The following CEP57 variants were observed in gnomAD, a reference collection of about 807,000 sequenced individuals.
CEP57 encodes the protein centrosomal protein 57.
CEP57 carries 40 observed loss-of-function variants against 68.0 expected under a neutral mutation model. The observed-to-expected ratio is 0.59, with a 90% CI of 0.46 to 0.77. CEP57 has a LOEUF of 0.77. Ranked by LOEUF, CEP57 falls within the 30% of genes least tolerant of loss-of-function variation. The probability of loss-of-function intolerance (pLI) is 0.00; values close to 1 mark genes in which losing one functional copy is unlikely to be tolerated. For synonymous variants in CEP57, 219 were observed against 198.7 expected (o/e 1.10, Z -0.86); for missense variants, 606 against 580.7 (o/e 1.04, Z -0.45).
At chr11:95,792,811 G>A (rs932623782) in intron 1 of CEP57, among the ~76,000 whole-genome samples, 3 of 151,820 alleles carry the variant, frequency 2.0e-5, no homozygotes, top group East Asian at 1.9e-4. Flanking sequence ...TTCTTGGTGC[G>A]TAAGAAAACG....
At chr11:95,808,152 C>A (rs1318030863) in intron 2 of CEP57, among the ~76,000 whole-genome samples, 2 of 152,094 alleles carry the variant, frequency 1.3e-5, no homozygotes, top group Non-Finnish European at 2.9e-5. Context: ...AAATCCTTTA[C>A]AGACAAGCAA....
rs112390945 is a variant in CEP57, at chr11:95,805,842, A to G, written c.202+6454A>G. 8.0e-3 allele frequency among the ~76,000 whole-genome samples: 1,211 copies of G among 152,208 alleles called. 18 individuals carry two copies. Among genetic ancestry groups the G allele is most frequent in the African/African-American group, 0.022 (930 of 41,552 alleles). On this transcript the variant is annotated intron_variant, in intron 2 of 10. Coordinates refer to ENST00000325542, the MANE Select transcript of CEP57 (RefSeq NM_014679.5). Reference sequence around the variant, plus strand: ...GTTACAGTATCTAATATATATATATATGTGTGTGTGAATTTAGTGTATGAT... The same window carrying G: ...GTTACAGTATCTAATATATATATATGTGTGTGTGTGAATTTAGTGTATGAT...
chr11:95,822,026 G>A, intron 7 of CEP57, 48 bp downstream of exon 7: 1 of 1,292,448 alleles, frequency 7.7e-7, no homozygotes, highest in Non-Finnish European at 1.1e-6. Flanking sequence ...ACTTGGTATA[G>A]TTTATGTCAA....
At chr11:95,826,308 T>C (rs1269315063) in intron 8 of CEP57, 1 of 152,244 alleles carries the variant, frequency 6.6e-6, no homozygotes, top group Non-Finnish European at 1.5e-5. Flanking sequence ...ACAAAAATGC[T>C]TCCAGTCAAC....
rs549865234 is a variant in CEP57, at chr11:95,813,457, A to T, written c.383-11A>T. ...GAGTTGATTTCTGCTTTTCTTATGT[A>T]TTCTTTTTAGAACTGACATCTCAGT... On this transcript the variant is annotated splice_polypyrimidine_tract_variant and intron_variant, in intron 3 of 10. Coordinates refer to ENST00000325542, the MANE Select transcript of CEP57 (RefSeq NM_014679.5). The T allele has an allele frequency of 5.0e-6, 8 of 1,610,054 alleles. No homozygotes were observed. The East Asian group carries it at 1.8e-4, about 36-fold the overall frequency.
intron 1 of CEP57, among the ~76,000 whole-genome samples, chr11:95,798,916 A>T (rs1407103657): frequency 6.6e-6 from 1 of 152,158 alleles, no homozygotes; most frequent in East Asian, 1.9e-4. Flanking sequence ...TATTTTTCTG[A>T]ACGTATATTT....
At chr11:95,822,677 G>GTGACTTTACCAGTGTGTGGATCA in intron 8 of CEP57, 101 bp downstream of exon 8, 1 of 887,470 alleles carries the variant, frequency 1.1e-6, no homozygotes, top group Non-Finnish European at 1.9e-6. Flanking sequence ...ACATTTTTCT[G>GTGACTTTACCAGTGTGTGGATCA]TGCCTTTACC....
At chr11:95,827,403 T>G (rs1350364125) in intron 8 of CEP57, 3 of 253,242 alleles carry the variant, frequency 1.2e-5, no homozygotes, top group Admixed American at 5.1e-5. Flanking sequence ...CCTGGCAGTT[T>G]TAAGGAAGCC....
At chr11:95,808,667 A>G (rs1447966996) in intron 2 of CEP57, among the ~76,000 whole-genome samples, 1 of 152,234 alleles carries the variant, frequency 6.6e-6, no homozygotes, top group Non-Finnish European at 1.5e-5. Flanking sequence ...ACCTAAATAT[A>G]TATGCGCCCA....
chr11:95,811,653 AC>A (rs1167893158), intron 2 of CEP57, among the ~76,000 whole-genome samples: 1 of 152,158 alleles, frequency 6.6e-6, no homozygotes, highest in Non-Finnish European at 1.5e-5. Flanking sequence ...GTACATCAAA[AC>A]TAGAATTAAA....
chr11:95,811,032 C>T (rs1591063861), intron 2 of CEP57, among the ~76,000 whole-genome samples: 1 of 152,186 alleles, frequency 6.6e-6, no homozygotes, highest in South Asian at 2.1e-4. Context: ...TGTGGCGATT[C>T]CTCAAGTATC....
chr11:95,804,088 G>A (rs1020215451), intron 2 of CEP57, among the ~76,000 whole-genome samples: 1 of 152,084 alleles, frequency 6.6e-6, no homozygotes, highest in Non-Finnish European at 1.5e-5. Context: ...AAATTTATCA[G>A]GTATGACAAA....
intron 6 of CEP57, 49 bp from the exon 7 acceptor site, chr11:95,821,822 C>A: frequency 7.7e-7 from 1 of 1,302,346 alleles, no homozygotes; most frequent in South Asian, 1.2e-5. Context: ...AAATCTGAGT[C>A]ATAGCTTTTA....
At position 95,818,930 on chromosome 11, in the gene CEP57, C is replaced by T. The variant is rs564157453; in HGVS notation, c.699+26C>T. On this transcript the variant is annotated intron_variant, in intron 6 of 10. Transcript: ENST00000325542. Reference sequence around the variant, plus strand: ...GTAAGTTAAAATGTGAGAAAGTGGGCTCTTCATATTTCTTACCGCTTTTTG... The same window carrying T: ...GTAAGTTAAAATGTGAGAAAGTGGGTTCTTCATATTTCTTACCGCTTTTTG... The T allele has an allele frequency of 3.2e-6, 5 of 1,556,084 alleles. No homozygotes were observed. In the African/African-American group the frequency reaches 6.8e-5, roughly 21 times the overall value.
At chr11:95,803,971 A>T (rs926866869) in intron 2 of CEP57, among the ~76,000 whole-genome samples, 1 of 152,136 alleles carries the variant, frequency 6.6e-6, no homozygotes, top group Non-Finnish European at 1.5e-5. Flanking sequence ...AGAGGTATAT[A>T]AGTCAGGGAA....
chr11:95,793,930 T>C (rs1861218342), intron 1 of CEP57, among the ~76,000 whole-genome samples: 1 of 152,104 alleles, frequency 6.6e-6, no homozygotes. Flanking sequence ...CTCACAACCC[T>C]TGGAGATCTC....
intron 2 of CEP57, among the ~76,000 whole-genome samples, chr11:95,804,819 A>C (rs915414698): frequency 6.6e-6 from 1 of 152,262 alleles, no homozygotes; most frequent in Non-Finnish European, 1.5e-5. Flanking sequence ...TAGAATTTCA[A>C]TAAAATGTTT....
At chr11:95,818,762 A>G (rs1862406260) in intron 5 of CEP57, 65 bp from the exon 6 acceptor site, 5 of 1,206,564 alleles carry the variant, frequency 4.1e-6, no homozygotes, top group South Asian at 3.6e-5. Flanking sequence ...CAGTGCTGCT[A>G]TATTAAAATT....
chr11:95,812,281 CAG>C (rs1352771243), intron 2 of CEP57, among the ~76,000 whole-genome samples: 1 of 151,978 alleles, frequency 6.6e-6, no homozygotes, highest in Non-Finnish European at 1.5e-5. Flanking sequence ...ATTAATAAGA[CAG>C]TAATGTACTT....
Sources: gnomAD v4.1 joint callset for allele counts (sites outside exome capture counted in the v4.1 genomes callset) on GRCh38, gnomAD v4.1.1 for gene constraint, MANE v1.5 for transcripts, NCBI Gene and HGNC (gene_info 2026-07-23, HGNC 2026-07-21) for gene names.